The following TTC34 variants were observed in gnomAD, a reference collection of about 807,000 sequenced individuals.
The protein encoded by TTC34 is tetratricopeptide repeat protein 34.
A neutral mutation model predicts 40.7 loss-of-function variants in TTC34; 44 were observed. The ratio of observed to expected loss-of-function variants is 1.08; its 90% confidence interval spans 0.85 to 1.39. The LOEUF is 1.39. Ranked by LOEUF, TTC34 falls within the 40% of genes most tolerant of loss-of-function variation. The pLI is 0.00. For missense variants in TTC34, 884 were observed against 838.0 expected, an observed-to-expected ratio of 1.05 and a Z score of -0.68; for synonymous variants, 422 against 398.6, an observed-to-expected ratio of 1.06 and a Z score of -0.70.
chr1:2,695,362 G>A (rs79147999), intron 6 of TTC34, among the ~76,000 whole-genome samples: 5 of 95,998 alleles, frequency 5.2e-5, no homozygotes, highest in Non-Finnish European at 8.6e-5. Flanking sequence ...ACACCCCCAG[G>A]TGAGCATCCG....
chr1:2,760,019 A>G (rs1641643919), intron 6 of TTC34, among the ~76,000 whole-genome samples: 1 of 127,048 alleles, frequency 7.9e-6, no homozygotes, highest in Non-Finnish European at 1.6e-5. Context: ...TGAGCATCGG[A>G]GAGTCCGGAG....
chr1:2,750,686 C>T (rs1641288894), intron 6 of TTC34, among the ~76,000 whole-genome samples: 21 of 82,982 alleles, frequency 2.5e-4, no homozygotes, highest in Middle Eastern at 6.3e-3. Context: ...GCACCCTGCA[C>T]CCCCAAGTGA....
At chr1:2,643,685 G>C (rs1318364485) in intron 8 of TTC34, among the ~76,000 whole-genome samples, 1 of 151,696 alleles carries the variant, frequency 6.6e-6, no homozygotes, top group African/African-American at 2.4e-5. Flanking sequence ...CTGCAGCACC[G>C]AACTGCCCCT....
chr1:2,755,686 T>C (rs1289022857), intron 6 of TTC34, among the ~76,000 whole-genome samples: 2 of 83,540 alleles, frequency 2.4e-5, no homozygotes, highest in Non-Finnish European at 4.2e-5. Flanking sequence ...TCTGACATCG[T>C]GGAGCAGCAC....
In TTC34 at chr1:2,748,817, G is replaced by GA. The variant is rs1641227580; in HGVS notation, c.2226+34791dup. Among the ~76,000 whole-genome samples, 7 of 145,860 alleles carry GA rather than the reference G, an allele frequency of 4.8e-5. 1 individual carries two copies. Among genetic ancestry groups the GA allele is most frequent in the African/African-American group, 1.6e-4 (6 of 37,922 alleles). ...AACCCACACCCACAGGCGAGCATCT[G>GA]ACAGCCTCGGTCGGCACCCACAAAC... is the stretch of plus-strand genomic sequence containing the variant. On this transcript the variant is annotated intron_variant, in intron 6 of 8. Coordinates refer to ENST00000401095, the Ensembl canonical transcript of TTC34.
At chr1:2,695,017 G>T (rs1187434240) in intron 6 of TTC34, among the ~76,000 whole-genome samples, 24 of 146,856 alleles carry the variant, frequency 1.6e-4, no homozygotes, top group Admixed American at 2.7e-4. Context: ...CTGACAGCCT[G>T]GAACAGCACC....
rs1641206610 is a variant in TTC34, at chr1:2,747,966, G to A, written c.2226+35643C>T. Reference sequence around the variant, plus strand: ...GTGGAGCAGCACCCCACACCCATAGGTGAGCATCTGACAGCCTGGAGCAGC... The same window carrying A: ...GTGGAGCAGCACCCCACACCCATAGATGAGCATCTGACAGCCTGGAGCAGC... On this transcript the variant is annotated intron_variant, in intron 6 of 8. Coordinates refer to ENST00000401095, the Ensembl canonical transcript of TTC34. Among the ~76,000 whole-genome samples, 2 of 66,500 alleles carry A rather than the reference G, an allele frequency of 3.0e-5. 1 individual carries two copies. The highest frequency in any genetic ancestry group is 5.1e-5 in the Non-Finnish European group (2 of 39,506). 43.6% of individuals were successfully genotyped at this position (66,500 alleles called of 152,430 possible).
chr1:2,687,548 A>G (rs77375241), intron 6 of TTC34, among the ~76,000 whole-genome samples: 3 of 78,474 alleles, frequency 3.8e-5, no homozygotes, highest in Admixed American at 1.2e-4. Flanking sequence ...ATCTGACAGC[A>G]TGGAGCAGCA....
intron 6 of TTC34, among the ~76,000 whole-genome samples, chr1:2,755,743 C>T (rs1641482773): frequency 4.3e-5 from 6 of 138,966 alleles, no homozygotes; most frequent in Non-Finnish European, 4.6e-5. Context: ...AGCACCCACA[C>T]ACCCAGGCGA....
At chr1:2,688,168 C>T (rs1437189700) in intron 6 of TTC34, among the ~76,000 whole-genome samples, 4 of 140,720 alleles carry the variant, frequency 2.8e-5, no homozygotes, top group South Asian at 2.3e-4. Flanking sequence ...GCACCCACAC[C>T]CCCAGGCGAG....
intron 6 of TTC34, among the ~76,000 whole-genome samples, chr1:2,765,782 A>G (rs1641771604): frequency 7.1e-5 from 2 of 28,214 alleles, no homozygotes; most frequent in East Asian, 1.2e-3. Context: ...GACAGCCTGG[A>G]GCAGCGCCCA....
chr1:2,747,685 G>C (rs1641197639), intron 6 of TTC34, among the ~76,000 whole-genome samples: 1 of 135,260 alleles, frequency 7.4e-6, no homozygotes, highest in African/African-American at 2.8e-5. Context: ...ACCCCCAGGT[G>C]AGCATCTGAC....
chr1:2,794,139 G>T (rs941178259), intron 2 of TTC34, among the ~76,000 whole-genome samples: 2 of 152,030 alleles, frequency 1.3e-5, no homozygotes, highest in African/African-American at 4.8e-5. Flanking sequence ...GGGATCACAG[G>T]TATGCACCAC....
intron 6 of TTC34, among the ~76,000 whole-genome samples, chr1:2,748,475 C>A (rs1641217486): frequency 6.6e-6 from 1 of 151,296 alleles, no homozygotes; most frequent in African/African-American, 2.4e-5. Context: ...GAAGAGCACC[C>A]CACATCCCCG....
exon 5 of TTC34, chr1:2,785,912 G>C (rs1313063897): frequency 6.5e-7 from 1 of 1,536,220 alleles, no homozygotes. Context: ...AGGATGGCCA[G>C]GGCCCTGGCG....
intron 6 of TTC34, among the ~76,000 whole-genome samples, chr1:2,654,932 C>T (rs977349046): frequency 7.5e-3 from 597 of 79,368 alleles, no homozygotes; most frequent in South Asian, 0.017. Context: ...AGCACCCACA[C>T]CAACAGGTGA....
chr1:2,654,202 A>ACACTGCCTC (rs1169718119), intron 6 of TTC34, among the ~76,000 whole-genome samples: 1 of 150,342 alleles, frequency 6.7e-6, no homozygotes, highest in Non-Finnish European at 1.5e-5. Flanking sequence ...CTGGAGCAGC[A>ACACTGCCTC]CCCACACACC....
At chr1:2,641,953 C>T (rs988540186) in intron 8 of TTC34, 58 bp from the exon 9 acceptor site, 64 of 1,426,488 alleles carry the variant, frequency 4.5e-5, no homozygotes, top group Admixed American at 1.1e-4. Flanking sequence ...AAAGCCCGGC[C>T]GCCCCTGCCC....
intron 6 of TTC34, among the ~76,000 whole-genome samples, chr1:2,687,393 A>G (rs1401900457): frequency 1.6e-4 from 9 of 57,090 alleles, no homozygotes; most frequent in African/African-American, 7.5e-4. Flanking sequence ...ACAGCCTGGA[A>G]CGGCACCCAC....
Sources: allele counts gnomAD v4.1 joint callset (sites outside exome capture counted in the v4.1 genomes callset), GRCh38; gene constraint gnomAD v4.1.1; transcripts MANE v1.5; gene names NCBI Gene and HGNC (gene_info 2026-07-23, HGNC 2026-07-21).